Variants in COL22A1 observed in about 807,000 individuals in gnomAD.
COL22A1 encodes collagen alpha-1(XXII) chain.
A neutral mutation model predicts 248.9 loss-of-function variants in COL22A1; 221 were observed. The observed-to-expected ratio is 0.89, with a 90% CI of 0.80 to 0.99. The LOEUF is 0.99. Ranked by LOEUF, COL22A1 falls within the 50% of genes least tolerant of loss-of-function variation. COL22A1 has a pLI of 0.00. For synonymous variants in COL22A1, 891 were observed against 793.4 expected, an observed-to-expected ratio of 1.12 and a Z score of -2.07; for missense variants, 2,240 against 2,179.0, an observed-to-expected ratio of 1.03 and a Z score of -0.56.
intron 22 of COL22A1, among the ~76,000 whole-genome samples, chr8:138,747,051 T>A (rs1832176279): frequency 6.6e-6 from 1 of 152,226 alleles, no homozygotes; most frequent in Non-Finnish European, 1.5e-5. Flanking sequence ...TGATGCAGCT[T>A]CAAGAAGCAG....
At chr8:138,638,837 C>A (rs1217136364) in intron 47 of COL22A1, among the ~76,000 whole-genome samples, 2 of 152,152 alleles carry the variant, frequency 1.3e-5, no homozygotes, top group African/African-American at 4.8e-5. Context: ...TTTCAAATTC[C>A]AGTCCTCAGT....
intron 16 of COL22A1, among the ~76,000 whole-genome samples, chr8:138,770,644 T>C (rs1168655352): frequency 6.6e-6 from 1 of 152,214 alleles, no homozygotes; most frequent in Non-Finnish European, 1.5e-5. Flanking sequence ...CTTGCTGATA[T>C]AAGAAATCAG....
chr8:138,591,552 G>A, intron 63 of COL22A1, 51 bp from the exon 64 acceptor site: 1 of 1,401,250 alleles, frequency 7.1e-7, no homozygotes, highest in South Asian at 1.5e-5. Context: ...GGGGAGGACA[G>A]AAACTGGGCG....
At chr8:138,795,937 G>A (rs912565196) in intron 12 of COL22A1, among the ~76,000 whole-genome samples, 5 of 152,130 alleles carry the variant, frequency 3.3e-5, no homozygotes, top group Non-Finnish European at 7.4e-5. Flanking sequence ...GACCCCCTCT[G>A]AGCGATGAAT....
chr8:138,813,177 T>C (rs1439418081), intron 7 of COL22A1, among the ~76,000 whole-genome samples, 158 bp from the exon 8 acceptor site: 1 of 152,142 alleles, frequency 6.6e-6, no homozygotes, highest in East Asian at 1.9e-4. Context: ...GGCTCCACTC[T>C]GGATTTTCAC....
At chr8:138,678,601 G>A (rs1313255268) in intron 40 of COL22A1, among the ~76,000 whole-genome samples, 3 of 152,216 alleles carry the variant, frequency 2.0e-5, no homozygotes, top group Admixed American at 6.5e-5. Flanking sequence ...GACAAATATG[G>A]AAACAAGTGT....
rs141855163 is a variant in COL22A1, at chr8:138,727,140, T to TA, written c.2140-1701dup. Among the ~76,000 whole-genome samples the TA allele has an allele frequency of 3.6e-4, 55 of 152,266 alleles. No homozygotes were observed. In the East Asian group the frequency reaches 8.1e-3, roughly 22 times the overall value. Reference sequence around the variant, plus strand: ...ACCACCTTCAGTGGCTCTGATTTTCTAAAGGGTAGTGCTCTTCCAAGCGAG... The same window carrying TA: ...ACCACCTTCAGTGGCTCTGATTTTCTAAAAGGGTAGTGCTCTTCCAAGCGAG... On this transcript the variant is annotated intron_variant, in intron 23 of 64. Transcript: ENST00000303045.
intron 52 of COL22A1, chr8:138,620,687 T>C (rs1005082248): frequency 3.9e-5 from 6 of 152,136 alleles, no homozygotes; most frequent in African/African-American, 9.7e-5. Flanking sequence ...TTCACTATGA[T>C]GTCACTGACG....
intron 62 of COL22A1, 22 bp from the exon 63 acceptor site, chr8:138,594,221 G>A (rs767109882): frequency 3.1e-5 from 49 of 1,556,356 alleles, no homozygotes; most frequent in Non-Finnish European, 4.1e-5. Context: ...AAAAAGAGAG[G>A]CATTTCATGA....
At chr8:138,677,196 T>C (rs1219500526) in intron 40 of COL22A1, among the ~76,000 whole-genome samples, 1 of 152,234 alleles carries the variant, frequency 6.6e-6, no homozygotes, top group African/African-American at 2.4e-5. Flanking sequence ...TGGATTTAAG[T>C]TCTGGTTTCA....
At chr8:138,901,905 C>T (rs1232505898) in intron 1 of COL22A1, among the ~76,000 whole-genome samples, 3 of 151,958 alleles carry the variant, frequency 2.0e-5, no homozygotes, top group African/African-American at 4.8e-5. Flanking sequence ...CTGGGGAAGG[C>T]GGGGCTACCT....
chr8:138,881,714 C>T (rs556183150), intron 2 of COL22A1, among the ~76,000 whole-genome samples: 39 of 152,284 alleles, frequency 2.6e-4, no homozygotes, highest in African/African-American at 9.4e-4. Context: ...AGATCACTTC[C>T]TATAAGATGG....
chr8:138,672,341 C>T (rs938682003), intron 41 of COL22A1, among the ~76,000 whole-genome samples: 3 of 152,114 alleles, frequency 2.0e-5, no homozygotes, highest in Non-Finnish European at 4.4e-5. Flanking sequence ...CAAGTAGGCA[C>T]TTTATGTTGG....
chr8:138,796,389 CTT>C (rs11284610), intron 12 of COL22A1, among the ~76,000 whole-genome samples: 69 of 26,294 alleles, frequency 2.6e-3, no homozygotes, highest in African/African-American at 7.0e-3. Flanking sequence ...TGCTACTTTC[CTT>C]TTTTTTTTTT....
Position 138,646,632 on chromosome 8 carries a change from T to C in COL22A1, c.3498A>G (p.Pro1166=), listed in dbSNP as rs1255166219. ...GLPGPPGIAG[P]QGSQGERGAD... is the part of the protein sequence containing the mutation. ...ATGGTTATGAAGTCTCACTGACCTG[T>C]GGTCCAGCTATTCCTGGGGGCCCTG... is the stretch of plus-strand genomic sequence containing the variant. The change falls in exon 47 of 65, where the codon CCA becomes CCG. Residue 1166 remains proline (P), a synonymous_variant. Coordinates refer to ENST00000303045, the MANE Select transcript of COL22A1 (RefSeq NM_152888.3). 2 of 1,583,100 alleles carry C rather than the reference T, an allele frequency of 1.3e-6. No individual in the cohort carries two copies. The highest frequency in any genetic ancestry group is 2.3e-5 in the East Asian group (1 of 43,678).
intron 12 of COL22A1, among the ~76,000 whole-genome samples, chr8:138,789,428 T>C (rs893214427): frequency 6.6e-5 from 10 of 152,106 alleles, no homozygotes; most frequent in African/African-American, 2.4e-4. Context: ...AGGCTAAGAA[T>C]AGGAGATGGG....
At chr8:138,770,474 G>C (rs548117932) in intron 16 of COL22A1, among the ~76,000 whole-genome samples, 1 of 152,218 alleles carries the variant, frequency 6.6e-6, no homozygotes, top group East Asian at 1.9e-4. Context: ...CCGTCTCCCT[G>C]CTTTACAGGG....
chr8:138,912,516 G>C (rs974727001), intron 1 of COL22A1, among the ~76,000 whole-genome samples: 4 of 152,164 alleles, frequency 2.6e-5, no homozygotes, highest in Admixed American at 6.5e-5. Context: ...CAAGGTGGGC[G>C]GATCACCTGA....
chr8:138,690,784 G>A (rs1193294106), intron 36 of COL22A1, 37 bp downstream of exon 36: 13 of 1,562,692 alleles, frequency 8.3e-6, no homozygotes, highest in Non-Finnish European at 1.1e-5. Context: ...CTAGCTTGGT[G>A]GCTGGGCCGT....
Sources: gnomAD v4.1 joint callset for allele counts (sites outside exome capture counted in the v4.1 genomes callset) on GRCh38, gnomAD v4.1.1 for gene constraint, MANE v1.5 for transcripts, NCBI Gene and HGNC (gene_info 2026-07-23, HGNC 2026-07-21) for gene names.